PPFIA2: variants seen among roughly 807,000 people sequenced by gnomAD.
PPFIA2 encodes the protein liprin-alpha-2.
A neutral mutation model predicts 175.5 loss-of-function variants in PPFIA2; 46 were observed. The ratio of observed to expected loss-of-function variants is 0.26; its 90% CI spans 0.21 to 0.34. PPFIA2 has a LOEUF of 0.34. PPFIA2 is among the 10% of genes least tolerant of loss of function. The probability of loss-of-function intolerance (pLI) is 1.00; values close to 1 mark genes in which losing one functional copy is unlikely to be tolerated. For synonymous variants in PPFIA2, 568 were observed against 511.4 expected (o/e 1.11, Z -1.49); for missense variants, 1,179 against 1,506.1 (o/e 0.78, Z 3.60).
At chr12:81,478,337 T>C (rs2057748905) in intron 4 of PPFIA2, among the ~76,000 whole-genome samples, 1 of 152,142 alleles carries the variant, frequency 6.6e-6, no homozygotes, top group African/African-American at 2.4e-5. Context: ...AGTCTATCTA[T>C]TTTGTTAATC....
intron 22 of PPFIA2, among the ~76,000 whole-genome samples, chr12:81,317,769 C>A (rs946966227): frequency 2.6e-5 from 4 of 151,598 alleles, no homozygotes; most frequent in Non-Finnish European, 5.9e-5. Flanking sequence ...AATATGCCAG[C>A]ATCTATATGT....
At chr12:81,345,796 T>C (rs2140510185) in intron 18 of PPFIA2, among the ~76,000 whole-genome samples, 1 of 152,272 alleles carries the variant, frequency 6.6e-6, no homozygotes, top group East Asian at 1.9e-4. Context: ...CAATAACACT[T>C]TTAACTAACA....
chr12:81,675,340 T>A (rs2072297157), intron 4 of PPFIA2: 3 of 151,998 alleles, frequency 2.0e-5, no homozygotes, highest in African/African-American at 7.2e-5. Context: ...TCTGTGACCT[T>A]TATTTTCTCC....
chr12:81,699,150 T>C (rs1184020081), intron 3 of PPFIA2, among the ~76,000 whole-genome samples: 2 of 152,080 alleles, frequency 1.3e-5, no homozygotes, highest in Non-Finnish European at 2.9e-5. Flanking sequence ...AAAGGAGATA[T>C]AGAGAGTATA....
intron 2 of PPFIA2, among the ~76,000 whole-genome samples, chr12:81,756,596 G>A (rs2084707329): frequency 6.6e-6 from 1 of 151,992 alleles, no homozygotes; most frequent in South Asian, 2.1e-4. Flanking sequence ...TAAGGCAGGT[G>A]AACCAGGACA....
chr12:81,291,077 A>G (rs1407825567), intron 24 of PPFIA2, among the ~76,000 whole-genome samples: 1 of 151,876 alleles, frequency 6.6e-6, no homozygotes, highest in Non-Finnish European at 1.5e-5. Flanking sequence ...TTTATATAAA[A>G]AGATAATGAA....
At chr12:81,597,834 T>A in intron 4 of PPFIA2, 1 of 1,020,050 alleles carries the variant, frequency 9.8e-7, no homozygotes, top group Non-Finnish European at 1.4e-6. Context: ...ATTCATTCCA[T>A]ACATTTTCTT....
At chr12:81,741,122 C>T (rs971019980) in intron 3 of PPFIA2, among the ~76,000 whole-genome samples, 2 of 152,154 alleles carry the variant, frequency 1.3e-5, no homozygotes, top group African/African-American at 4.8e-5. Flanking sequence ...CAAAGCAAAT[C>T]ATATACATTC....
chr12:81,742,115 A>G (rs1047919877), intron 3 of PPFIA2, among the ~76,000 whole-genome samples: 1 of 152,224 alleles, frequency 6.6e-6, no homozygotes, highest in Admixed American at 6.5e-5. Flanking sequence ...AGTGAGCTGG[A>G]AAACAGTAAG....
chr12:81,449,971 A>G (rs950105547), intron 5 of PPFIA2, among the ~76,000 whole-genome samples: 1 of 151,996 alleles, frequency 6.6e-6, no homozygotes, highest in Non-Finnish European at 1.5e-5. Context: ...ACATGGACTC[A>G]TCCTTTTTTA....
chr12:81,321,878 T>C (rs1354920961), intron 22 of PPFIA2, among the ~76,000 whole-genome samples: 3 of 152,314 alleles, frequency 2.0e-5, no homozygotes, highest in Non-Finnish European at 4.4e-5. Flanking sequence ...GAAGGGACCA[T>C]CTATCATTCC....
chr12:81,445,467 G>A, intron 6 of PPFIA2, 89 bp downstream of exon 6: 1 of 1,232,284 alleles, frequency 8.1e-7, no homozygotes, highest in South Asian at 1.6e-5. Flanking sequence ...ACTGACTTTA[G>A]GAGTCAGGTG....
chr12:81,567,776 T>G (rs1268861838), intron 4 of PPFIA2, among the ~76,000 whole-genome samples: 3 of 152,212 alleles, frequency 2.0e-5, no homozygotes, highest in Admixed American at 2.0e-4. Flanking sequence ...TGGTCCTGAT[T>G]TGTGTCCTTT....
At chr12:81,716,745 AT>A (rs2078679204) in intron 3 of PPFIA2, among the ~76,000 whole-genome samples, 2 of 151,778 alleles carry the variant, frequency 1.3e-5, no homozygotes. Flanking sequence ...ATTTTCATGT[AT>A]TTCACTTTTT....
At chr12:81,491,938 T>C (rs543707178) in intron 4 of PPFIA2, among the ~76,000 whole-genome samples, 19 of 152,020 alleles carry the variant, frequency 1.2e-4, no homozygotes, top group Non-Finnish European at 2.4e-4. Context: ...GCCTGGAACA[T>C]TATCTTATTC....
intron 4 of PPFIA2, among the ~76,000 whole-genome samples, chr12:81,584,958 TATATATA>T (rs1416941157): frequency 8.9e-6 from 1 of 111,952 alleles, no homozygotes; most frequent in Non-Finnish European, 1.7e-5. Flanking sequence ...TAATTATATT[TATATATA>T]ATATATTATA....
At chr12:81,302,599 T>C (rs2048125264) in intron 22 of PPFIA2, 1 of 397,016 alleles carries the variant, frequency 2.5e-6, no homozygotes, top group Non-Finnish European at 5.1e-6. Context: ...AGGGCTGACA[T>C]ACTTGAGACT....
intron 31 of PPFIA2, among the ~76,000 whole-genome samples, chr12:81,262,352 T>C (rs1258310374): frequency 6.6e-6 from 1 of 152,168 alleles, no homozygotes; most frequent in Admixed American, 6.5e-5. Flanking sequence ...TATAGTGGAT[T>C]TTTTTTCCTT....
At chr12:81,526,991 C>T (rs1026582917) in intron 4 of PPFIA2, among the ~76,000 whole-genome samples, 3 of 152,098 alleles carry the variant, frequency 2.0e-5, no homozygotes, top group Non-Finnish European at 4.4e-5. Context: ...AATAGGGTCA[C>T]ATAATACCAA....
Sources: allele counts gnomAD v4.1 joint callset (sites outside exome capture counted in the v4.1 genomes callset), GRCh38; gene constraint gnomAD v4.1.1; transcripts MANE v1.5; gene names NCBI Gene and HGNC (gene_info 2026-07-23, HGNC 2026-07-21).